The following ABTB2 variants were observed in gnomAD, a reference collection of about 807,000 sequenced individuals.
ABTB2 encodes the protein ankyrin repeat and BTB domain containing 2.
A neutral mutation model predicts 104.1 loss-of-function variants in ABTB2; 56 were observed. The observed-to-expected ratio is 0.54, with a 90% CI of 0.43 to 0.67. The LOEUF is 0.67. Among genes scored for constraint, ABTB2 ranks in the 30% least tolerant of loss-of-function variants. The pLI, the probability that ABTB2 is intolerant of heterozygous loss-of-function variation, is 0.00. For missense variants in ABTB2, 1,279 were observed against 1,407.7 expected, an observed-to-expected ratio of 0.91 and a Z score of 1.46; for synonymous variants, 606 against 608.2, an observed-to-expected ratio of 1.00 and a Z score of 0.05.
intron 3 of ABTB2, among the ~76,000 whole-genome samples, chr11:34,192,331 C>T (rs1274559769): frequency 6.6e-6 from 1 of 152,168 alleles, no homozygotes; most frequent in African/African-American, 2.4e-5. Context: ...ATTGGGTCCG[C>T]ATACCTTACA....
At chr11:34,348,083 C>A (rs1304453629) in intron 1 of ABTB2, among the ~76,000 whole-genome samples, 5 of 152,202 alleles carry the variant, frequency 3.3e-5, no homozygotes, top group Non-Finnish European at 1.5e-5. Flanking sequence ...GAGCCAAATT[C>A]AACAAGAAAA....
chr11:34,155,197 A>G (rs933728296), intron 14 of ABTB2, among the ~76,000 whole-genome samples: 1 of 152,220 alleles, frequency 6.6e-6, no homozygotes, highest in African/African-American at 2.4e-5. Context: ...TCTAAATTCT[A>G]CACAGGGAGT....
chr11:34,256,451 T>C (rs929670676), intron 1 of ABTB2, among the ~76,000 whole-genome samples: 16 of 152,230 alleles, frequency 1.1e-4, no homozygotes, highest in South Asian at 4.1e-4. Context: ...TATAATTTTC[T>C]GCACCTCCAC....
chr11:34,194,104 T>A (rs1199560586), intron 3 of ABTB2, among the ~76,000 whole-genome samples: 4 of 152,218 alleles, frequency 2.6e-5, no homozygotes. Flanking sequence ...TAGCCCCTAA[T>A]TGAAGGAATC....
At chr11:34,339,574 A>G (rs1351032706) in intron 1 of ABTB2, among the ~76,000 whole-genome samples, 1 of 152,086 alleles carries the variant, frequency 6.6e-6, no homozygotes, top group Non-Finnish European at 1.5e-5. Context: ...TGGCAACACA[A>G]TCATGCAATA....
rs543961644 is a variant in ABTB2, at chr11:34,242,835, C to T, written c.884-38145G>A. 4.7e-4 allele frequency among the ~76,000 whole-genome samples: 71 copies of T among 152,236 alleles called. 1 individual carries two copies. The South Asian group carries it at 0.014, about 29-fold the overall frequency. The stretch of plus-strand genomic sequence containing the variant: ...TCAAAGTCTACAGGACAGGCACAGT[C>T]CTTGTCTTCATTTTCCAGAACAGGG... On this transcript the variant is annotated intron_variant, in intron 1 of 16. Transcript: ENST00000435224.
Position 34,154,590 on chromosome 11 carries a change from T to C in ABTB2, c.2766+111A>G. 8.8e-7 allele frequency: 1 copy of C among 1,138,188 alleles called. No individual in the cohort carries two copies. The highest frequency in any genetic ancestry group is 1.3e-6 in the Non-Finnish European group (1 of 771,928). 70.5% of individuals were successfully genotyped at this position (1,138,188 alleles called of 1,614,324 possible). On this transcript the variant is annotated intron_variant, in intron 15 of 16. Transcript: ENST00000435224. The surrounding 1 kb of genome is among the most constrained non-coding windows in gnomAD (Gnocchi z 4.9). ...CACAGTTCCTCTTTCTGGGAACTGC[T>C]CTTCCTGTCAGATGGAGAGGAAGAG...
At position 34,291,787 on chromosome 11, in the gene ABTB2, C is replaced by T. The variant is rs142315668; in HGVS notation, c.883+64914G>A. Among the ~76,000 whole-genome samples the T allele has an allele frequency of 7.5e-3, 1,149 of 152,300 alleles. 8 individuals carry two copies. Among genetic ancestry groups the T allele is most frequent in the Middle Eastern group, 0.041 (12 of 292 alleles). ...TTGGGATTACAGGCGTGAGCCACCA[C>T]GCCCGGCCTGATATGTTTATTTTTT... On this transcript the variant is annotated intron_variant, in intron 1 of 16. Transcript: ENST00000435224.
At position 34,357,188 on chromosome 11, in the gene ABTB2, G is replaced by GAGC; in HGVS notation, c.393_395dup (p.Leu132dup). 1 of 1,508,538 alleles carries GAGC rather than the reference G, an allele frequency of 6.6e-7. No individual in the cohort carries two copies. The highest frequency in any genetic ancestry group is 8.8e-7 in the Non-Finnish European group (1 of 1,136,592). The allele number at this position is 1,508,538 out of a possible 1,614,324, so 93.4% of individuals were successfully genotyped here. ...GGGCCACGCGGATCAGTGCCCTGCGGAGCAGCCCGGCCAGGCGCCTCACCG... is the reference window on the plus strand; with the variant it reads ...GGGCCACGCGGATCAGTGCCCTGCGGAGCAGCAGCCCGGCCAGGCGCCTCACCG... On this transcript the variant is annotated inframe_insertion, in exon 1 of 17. Transcript: ENST00000435224.
intron 1 of ABTB2, among the ~76,000 whole-genome samples, chr11:34,249,136 A>G (rs972547443): frequency 2.6e-5 from 4 of 152,220 alleles, no homozygotes; most frequent in Non-Finnish European, 5.9e-5. Context: ...TCTCAAACAA[A>G]CAAACAAAAT....
intron 1 of ABTB2, among the ~76,000 whole-genome samples, chr11:34,208,688 C>T (rs969967743): frequency 1.3e-5 from 2 of 152,078 alleles, no homozygotes; most frequent in Non-Finnish European, 1.5e-5. Context: ...AAGCCTCCAC[C>T]TCCTCTTCCA....
At chr11:34,310,748 T>TC (rs1016247281) in intron 1 of ABTB2, among the ~76,000 whole-genome samples, 1 of 152,164 alleles carries the variant, frequency 6.6e-6, no homozygotes, top group African/African-American at 2.4e-5. Context: ...AACATGGCTC[T>TC]CCTCCGTGGG....
At position 34,356,860 on chromosome 11, in the gene ABTB2, T is replaced by C. The variant is rs1182264379; in HGVS notation, c.724A>G (p.Ile242Val). The C allele has an allele frequency of 1.9e-6, 3 of 1,605,710 alleles. No individual in the cohort carries two copies. The highest frequency in any genetic ancestry group is 4.5e-5 in the East Asian group (2 of 44,522). The stretch of plus-strand genomic sequence containing the variant: ...TGGCTGGCCATCACCCTGGCCCGGA[T>C]CTCCTCCACCAGGTTCTCCATGCAG... ...TACMENLVEE[I>V]RARVMASHSP... Residue 242 changes from isoleucine to valine, a missense_variant, in exon 1 of 17, where the codon ATC becomes GTC. By Grantham distance (29) the Ile-to-Val change is conservative (BLOSUM62 3). Coordinates refer to ENST00000435224, the MANE Select transcript of ABTB2 (RefSeq NM_145804.3). This position sits in a 1 kb window ranked among gnomAD's most constrained non-coding sequence, Gnocchi z 4.6.
At chr11:34,309,001 C>A (rs1489692996) in intron 1 of ABTB2, among the ~76,000 whole-genome samples, 2 of 151,862 alleles carry the variant, frequency 1.3e-5, no homozygotes, top group Non-Finnish European at 2.9e-5. Flanking sequence ...TTGGCACTTA[C>A]AAGGCATGAA....
At chr11:34,298,745 A>C (rs941569973) in intron 1 of ABTB2, among the ~76,000 whole-genome samples, 4 of 152,208 alleles carry the variant, frequency 2.6e-5, no homozygotes, top group African/African-American at 9.7e-5. Context: ...TATAGGTGTG[A>C]GCAACAGCAC....
Position 34,230,796 on chromosome 11 carries a change from G to A in ABTB2, c.884-26106C>T, listed in dbSNP as rs551407592. 3.5e-4 allele frequency among the ~76,000 whole-genome samples: 53 copies of A among 152,170 alleles called. No homozygotes were observed. The East Asian group carries it at 9.1e-3, about 26-fold the overall frequency. Reference sequence around the variant, plus strand: ...TCTGCAAATTCTTTACCTAGTTTCCGAAAACCTTCTTTCAAAAGGAATGTC... The same window carrying A: ...TCTGCAAATTCTTTACCTAGTTTCCAAAAACCTTCTTTCAAAAGGAATGTC... On this transcript the variant is annotated intron_variant, in intron 1 of 16. Transcript: ENST00000435224.
In ABTB2 at chr11:34,165,364, G is replaced by T; in HGVS notation, c.1756-8C>A. 6.3e-7 allele frequency: 1 copy of T among 1,581,352 alleles called. No individual in the cohort carries two copies. On this transcript the variant is annotated splice_polypyrimidine_tract_variant and splice_region_variant and intron_variant, in intron 7 of 16. Transcript: ENST00000435224. ...ACCAGCATCCAGCAGCAACTGCCAG[G>T]GGCACAGAGGAGGAGGGCACTGCTC...
At chr11:34,229,705 C>T (rs75322891) in intron 1 of ABTB2, among the ~76,000 whole-genome samples, 1,663 of 152,190 alleles carry the variant, frequency 0.011, 31 homozygotes, top group African/African-American at 0.037. Flanking sequence ...ATAATTAATG[C>T]ATGTTTTCTA....
intron 1 of ABTB2, among the ~76,000 whole-genome samples, chr11:34,308,893 GAGAA>G (rs1854815264): frequency 7.2e-6 from 1 of 137,984 alleles, no homozygotes; most frequent in South Asian, 2.3e-4. Context: ...AAAAAGAAAA[GAGAA>G]AGAAAGAAAA....
Sources: allele counts gnomAD v4.1 joint callset (sites outside exome capture counted in the v4.1 genomes callset), GRCh38; gene constraint gnomAD v4.1.1; non-coding constraint Gnocchi (gnomAD v3.1); transcripts MANE v1.5; gene names NCBI Gene and HGNC (gene_info 2026-07-23, HGNC 2026-07-21).